ABCC2: variants seen among roughly 807,000 people sequenced by gnomAD.
ABCC2 encodes ATP-binding cassette sub-family C member 2.
In ABCC2, 157 loss-of-function variants were observed where a neutral mutation model predicts 173.4. The observed-to-expected ratio is 0.91, with a 90% CI of 0.80 to 1.03. ABCC2 has a LOEUF of 1.03. Among genes scored for constraint, ABCC2 ranks in the 50% least tolerant of loss-of-function variants. The probability of loss-of-function intolerance (pLI) is 0.00; values close to 1 mark genes in which losing one functional copy is unlikely to be tolerated. For synonymous variants in ABCC2, 657 were observed against 693.5 expected (o/e 0.95, Z 0.83); for missense variants, 1,822 against 1,852.3 (o/e 0.98, Z 0.30).
At chr10:99,789,795 G>A (rs929967874) in intron 2 of ABCC2, among the ~76,000 whole-genome samples, 2 of 151,934 alleles carry the variant, frequency 1.3e-5, no homozygotes, top group African/African-American at 2.4e-5. Flanking sequence ...TGTAAAAATG[G>A]CTAAGGCTTT....
At chr10:99,815,091 C>T (rs1243490377) in intron 16 of ABCC2, among the ~76,000 whole-genome samples, 1 of 151,892 alleles carries the variant, frequency 6.6e-6, no homozygotes, top group Non-Finnish European at 1.5e-5. Flanking sequence ...TAGGTTCCCT[C>T]CCCTCGCCCC....
At chr10:99,800,168 C>T (rs1375576711) in intron 8 of ABCC2, among the ~76,000 whole-genome samples, 1 of 152,214 alleles carries the variant, frequency 6.6e-6, no homozygotes, top group Non-Finnish European at 1.5e-5. Flanking sequence ...CACTGCACTC[C>T]AGCCTGGGCA....
intron 19 of ABCC2, among the ~76,000 whole-genome samples, chr10:99,830,003 C>T (rs2038710887): frequency 6.6e-6 from 1 of 152,158 alleles, no homozygotes; most frequent in Non-Finnish European, 1.5e-5. Context: ...CTACCATAAT[C>T]CTTAAAAGCT....
intron 19 of ABCC2, among the ~76,000 whole-genome samples, chr10:99,827,765 A>G (rs1019617920): frequency 1.3e-5 from 2 of 150,790 alleles, no homozygotes; most frequent in East Asian, 4.0e-4. Context: ...ATTTTAATAA[A>G]GCTGAGATAA....
chr10:99,814,283 ATACACACACGTATGTATACACACATG>A (rs1195299524), intron 16 of ABCC2, among the ~76,000 whole-genome samples: 9 of 79,338 alleles, frequency 1.1e-4, no homozygotes, highest in East Asian at 5.5e-4. Flanking sequence ...ACACGTATGT[ATACACACACGTATGTATACACACATG>A]TATATACACA....
intron 11 of ABCC2, among the ~76,000 whole-genome samples, chr10:99,806,693 A>G (rs1326333073): frequency 1.3e-5 from 2 of 152,232 alleles, no homozygotes; most frequent in Non-Finnish European, 2.9e-5. Flanking sequence ...TGAAGTTTGT[A>G]TGGGATAGAC....
At chr10:99,815,986 T>C (rs1278816241) in intron 16 of ABCC2, among the ~76,000 whole-genome samples, 1 of 149,766 alleles carries the variant, frequency 6.7e-6, no homozygotes, top group Non-Finnish European at 1.5e-5. Flanking sequence ...TTTTTTTTTT[T>C]GAGACGGAGT....
chr10:99,808,905 C>T (rs35836893), intron 13 of ABCC2, among the ~76,000 whole-genome samples: 2,405 of 152,250 alleles, frequency 0.016, 23 homozygotes, highest in Non-Finnish European at 0.026. Flanking sequence ...AAGAGAAGGC[C>T]TCCCTGTCCT....
chr10:99,820,039 A>C (rs1055553852), intron 19 of ABCC2, among the ~76,000 whole-genome samples: 10 of 152,192 alleles, frequency 6.6e-5, no homozygotes, highest in African/African-American at 2.4e-4. Flanking sequence ...GAGTAGCTAC[A>C]CAGCCTACAA....
intron 24 of ABCC2, among the ~76,000 whole-genome samples, chr10:99,835,697 C>G (rs1488850745): frequency 6.6e-6 from 1 of 152,168 alleles, no homozygotes; most frequent in Non-Finnish European, 1.5e-5. Flanking sequence ...TTTACACACC[C>G]CACGGGCCCC....
chr10:99,815,045 G>C (rs569433118), intron 16 of ABCC2, among the ~76,000 whole-genome samples: 42 of 151,282 alleles, frequency 2.8e-4, no homozygotes, highest in Non-Finnish European at 5.3e-4. Flanking sequence ...GTGTACATGT[G>C]CCATGGTGGT....
intron 25 of ABCC2, 44 bp from the exon 26 acceptor site, chr10:99,841,923 G>C (rs1244538709): frequency 1.2e-6 from 2 of 1,613,840 alleles, no homozygotes; most frequent in Non-Finnish European, 1.7e-6. Context: ...TTAAGATGAG[G>C]ACGTGATCAG....
intron 1 of ABCC2, 34 bp from the exon 2 acceptor site, chr10:99,784,574 A>G: frequency 1.9e-6 from 3 of 1,612,152 alleles, no homozygotes; most frequent in Middle Eastern, 1.9e-4. Context: ...TTCACAATGC[A>G]TGTATGCAAC....
At chr10:99,815,671 C>CAT (rs2038396108) in intron 16 of ABCC2, among the ~76,000 whole-genome samples, 1 of 152,018 alleles carries the variant, frequency 6.6e-6, no homozygotes, top group African/African-American at 2.4e-5. Flanking sequence ...TTAAGATCTT[C>CAT]ATATATATAT....
chr10:99,830,201 TC>T, intron 19 of ABCC2, 105 bp from the exon 20 acceptor site: 5 of 1,335,402 alleles, frequency 3.7e-6, no homozygotes, highest in Non-Finnish European at 5.4e-6. Context: ...ACATCTGGGA[TC>T]CCTTGCTGAA....
At position 99,811,475 on chromosome 10, in the gene ABCC2, G is replaced by A. The variant is rs199907444; in HGVS notation, c.1901-61G>A. 1.5e-4 allele frequency: 236 copies of A among 1,541,692 alleles called. 2 individuals carry two copies. In the East Asian group the frequency reaches 4.6e-3, roughly 30 times the overall value. Reference sequence around the variant, plus strand: ...TGATGGAGAAAGCGGAGAGAGACACGTGAGGGCAGACAGTCACGTGGGGAC... The same window carrying A: ...TGATGGAGAAAGCGGAGAGAGACACATGAGGGCAGACAGTCACGTGGGGAC... On this transcript the variant is annotated intron_variant, in intron 14 of 31. Transcript: ENST00000647814.
chr10:99,830,763 A>G lies in ABCC2; in HGVS notation c.2795A>G (p.Lys932Arg). Reference protein sequence around the residue: ...RHLKSLRNSLKTRNVNSLKED... With the variant: ...RHLKSLRNSLRTRNVNSLKED... ...CTGAAGTCCCTGAGAAACTCCTTGA[A>G]AACTCGGAATGTGAATAGCCTGAAG... The change falls in exon 21 of 32, where the codon AAA becomes AGA. Residue 932 changes from lysine (K) to arginine (R), a missense_variant. By Grantham distance (26) the Lys-to-Arg change is conservative. Transcript: ENST00000647814. The G allele has an allele frequency of 6.2e-7, 1 of 1,614,148 alleles. No individual in the cohort carries two copies. The highest frequency in any genetic ancestry group is 8.5e-7 in the Non-Finnish European group (1 of 1,180,020).
chr10:99,789,638 C>A (rs2037778103), intron 2 of ABCC2, among the ~76,000 whole-genome samples: 1 of 145,670 alleles, frequency 6.9e-6, no homozygotes, highest in African/African-American at 2.6e-5. Flanking sequence ...TCACTTGAAC[C>A]TGGGAGGCGG....
In ABCC2 at chr10:99,836,160, C is replaced by T; in HGVS notation, c.3484C>T (p.His1162Tyr). ...DSVTRSPIYSHFSETVSGLPV... is the reference protein window; with the variant it reads ...DSVTRSPIYSYFSETVSGLPV... The stretch of plus-strand genomic sequence containing the variant: ...TGTCACCAGGTCCCCAATCTACTCT[C>T]ACTTCAGCGAGACCGTATCAGGTTT... The change falls in exon 25 of 32, where the codon CAC becomes TAC. Residue 1162 changes from histidine to tyrosine, a missense_variant. By Grantham distance (83) the His-to-Tyr change is moderately conservative. Coordinates refer to ENST00000647814, the MANE Select transcript of ABCC2 (RefSeq NM_000392.5). The T allele has an allele frequency of 6.2e-7, 1 of 1,614,218 alleles. No individual in the cohort carries two copies. Among genetic ancestry groups the T allele is most frequent in the Non-Finnish European group, 8.5e-7 (1 of 1,180,038 alleles).
Sources: gnomAD v4.1 joint callset for allele counts (sites outside exome capture counted in the v4.1 genomes callset) on GRCh38, gnomAD v4.1.1 for gene constraint, MANE v1.5 for transcripts, NCBI Gene and HGNC (gene_info 2026-07-23, HGNC 2026-07-21) for gene names.